The following UGP2 variants were observed in gnomAD, a reference collection of about 807,000 sequenced individuals.
UGP2 encodes the protein UTP--glucose-1-phosphate uridylyltransferase.
Under a neutral mutation model 49.0 loss-of-function variants are expected in UGP2, and 40 were observed. The ratio of observed to expected loss-of-function variants is 0.82; its 90% CI spans 0.63 to 1.06. The LOEUF is 1.06. Ranked by LOEUF, UGP2 falls within the 50% of genes least tolerant of loss-of-function variation. UGP2 has a pLI of 0.00. For synonymous variants in UGP2, 225 were observed against 213.0 expected, an observed-to-expected ratio of 1.06 and a Z score of -0.49; for missense variants, 460 against 603.5, an observed-to-expected ratio of 0.76 and a Z score of 2.49.
chr2:63,885,815 A>C lies in UGP2; in HGVS notation c.802A>C (p.Met268Leu), dbSNP rs773864022. 2 of 1,610,594 alleles carry C rather than the reference A, an allele frequency of 1.2e-6. No homozygotes were observed. The highest frequency in any genetic ancestry group is 1.7e-5 in the Admixed American group (1 of 59,128). ...TVDLYILNHL[M>L]NPPNGKRCEF... ...GGATCTGTATATTCTTAATCATCTA[A>C]TGAACCCACCCAATGGAAAACGCTG... Residue 268 changes from methionine (M) to leucine (L), a missense_variant, in exon 6 of 10, where the codon ATG becomes CTG. By Grantham distance (15) the Met-to-Leu change is conservative. Around this residue, in one of 2 missense-constraint regions of UGP2, gnomAD observed 317 missense variants for 473.0 expected, o/e 0.67. Coordinates refer to ENST00000337130, the MANE Select transcript of UGP2 (RefSeq NM_006759.4).
At chr2:63,862,331 A>G (rs1230077227) in intron 3 of UGP2, among the ~76,000 whole-genome samples, 1 of 152,112 alleles carries the variant, frequency 6.6e-6, no homozygotes, top group Non-Finnish European at 1.5e-5. Context: ...ATATATAGAA[A>G]TACTGACACT....
intron 3 of UGP2, among the ~76,000 whole-genome samples, chr2:63,865,526 G>T (rs1320722694): frequency 7.1e-6 from 1 of 141,376 alleles, no homozygotes; most frequent in African/African-American, 2.6e-5. Flanking sequence ...CAGAATGCTT[G>T]GGTCTATTTT....
At chr2:63,878,764 C>G (rs1416315669) in intron 3 of UGP2, among the ~76,000 whole-genome samples, 2 of 152,130 alleles carry the variant, frequency 1.3e-5, no homozygotes, top group Non-Finnish European at 2.9e-5. Flanking sequence ...CAAGGTCTCA[C>G]CATATTGCCC....
chr2:63,841,321 T>A (rs2104212829), upstream of UGP2: 2 of 151,590 alleles, frequency 1.3e-5, no homozygotes, highest in South Asian at 4.2e-4. Flanking sequence ...GCTGGCCCGC[T>A]GTGTGGTCTC....
intron 3 of UGP2, among the ~76,000 whole-genome samples, chr2:63,875,896 C>A (rs895367851): frequency 1.3e-5 from 2 of 152,132 alleles, no homozygotes; most frequent in African/African-American, 2.4e-5. Context: ...GCACAAAGAT[C>A]GCACTGGTGA....
intron 3 of UGP2, among the ~76,000 whole-genome samples, chr2:63,874,510 G>A (rs1670775892): frequency 6.6e-6 from 1 of 152,180 alleles, no homozygotes; most frequent in African/African-American, 2.4e-5. Context: ...TTTTCAAGGA[G>A]CAGGCAGAAA....
chr2:63,846,419 C>T (rs1671934417), intron 1 of UGP2, among the ~76,000 whole-genome samples: 1 of 143,552 alleles, frequency 7.0e-6, no homozygotes, highest in Admixed American at 7.2e-5. Flanking sequence ...GATGCTAATG[C>T]TCTAATATTA....
intron 1 of UGP2, chr2:63,855,927 G>A (rs953005495): frequency 4.7e-6 from 1 of 215,018 alleles, no homozygotes; most frequent in African/African-American, 2.4e-5. Context: ...TGTCACAGAA[G>A]TGCCCGGCTA....
At chr2:63,884,730 A>G (rs2104357472) in intron 5 of UGP2, among the ~76,000 whole-genome samples, 1 of 152,042 alleles carries the variant, frequency 6.6e-6, no homozygotes, top group Non-Finnish European at 1.5e-5. Flanking sequence ...TGGGCAACAT[A>G]ATGAGACGTC....
At chr2:63,887,842 G>C in intron 8 of UGP2, 198 bp downstream of exon 8, 4 of 716,474 alleles carry the variant, frequency 5.6e-6, no homozygotes, top group Non-Finnish European at 8.6e-6. Flanking sequence ...TTGCCATATG[G>C]AGAGTAGAAA....
intron 5 of UGP2, 36 bp downstream of exon 5, chr2:63,884,129 CT>C: frequency 1.9e-6 from 3 of 1,606,948 alleles, no homozygotes; most frequent in Non-Finnish European, 2.5e-6. Flanking sequence ...GGGTATGTTA[CT>C]CCTGGGAAAG....
rs372340978 is a variant in UGP2, at chr2:63,882,564, A to G, written c.354A>G (p.Gly118=). Residue 118 remains glycine, a synonymous_variant, in exon 4 of 10, where the codon GGA becomes GGG. Coordinates refer to ENST00000337130, the MANE Select transcript of UGP2 (RefSeq NM_006759.4). ...LVVVKLNGGL[G]TSMGCKGPKS... is the part of the protein sequence containing the mutation. ...TGGTGAAACTCAATGGTGGTTTGGGAACCAGCATGGGCTGCAAAGGCCCTA... is the reference window on the plus strand; with the variant it reads ...TGGTGAAACTCAATGGTGGTTTGGGGACCAGCATGGGCTGCAAAGGCCCTA... 84 of 1,613,044 alleles carry G rather than the reference A, an allele frequency of 5.2e-5. No homozygotes were observed. Among genetic ancestry groups the G allele is most frequent in the Non-Finnish European group, 6.4e-5 (76 of 1,179,316 alleles).
intron 4 of UGP2, 181 bp downstream of exon 4, chr2:63,882,832 T>A: frequency 2.0e-6 from 1 of 504,216 alleles, no homozygotes; most frequent in Non-Finnish European, 3.1e-6. Context: ...TAAGGTTATG[T>A]AAAGGCTTTT....
intron 9 of UGP2, 54 bp from the exon 10 acceptor site, chr2:63,891,066 A>AATC (rs1672115659): frequency 6.7e-7 from 1 of 1,492,338 alleles, no homozygotes; most frequent in African/African-American, 1.4e-5. Context: ...ACTGTAAGAT[A>AATC]ATCAAATTGC....
At chr2:63,841,308 C>T (rs926068383), upstream of UGP2, 2 of 152,102 alleles carry the variant, frequency 1.3e-5, no homozygotes, top group African/African-American at 2.4e-5. Flanking sequence ...GTTTCCCGCT[C>T]TCGCTGGCCC....
At chr2:63,848,067 T>G (rs1477515080) in intron 1 of UGP2, among the ~76,000 whole-genome samples, 3 of 152,192 alleles carry the variant, frequency 2.0e-5, no homozygotes, top group African/African-American at 7.2e-5. Context: ...GCATTTATAC[T>G]GTTGGAGAAA....
chr2:63,863,028 AAAAC>A (rs1669954360), intron 3 of UGP2: 1 of 332,666 alleles, frequency 3.0e-6, no homozygotes, highest in African/African-American at 2.2e-5. Flanking sequence ...GTGTTCTTTT[AAAAC>A]TATCTTCTTA....
rs1266588216 is a variant in UGP2, at chr2:63,841,903, T to G, written c.-283T>G. Reference sequence around the variant, plus strand: ...TGTGGTTTTACCTTTTCCGGGAGTCTCCAGCTGGCCCTCATTTGTGTCCGG... The same window carrying G: ...TGTGGTTTTACCTTTTCCGGGAGTCGCCAGCTGGCCCTCATTTGTGTCCGG... On this transcript the variant is annotated 5_prime_UTR_variant, in exon 1 of 10. Coordinates refer to ENST00000337130, the MANE Select transcript of UGP2 (RefSeq NM_006759.4). 8 of 388,130 alleles carry G rather than the reference T, an allele frequency of 2.1e-5. No homozygotes were observed. The highest frequency in any genetic ancestry group is 6.7e-4 in the Middle Eastern group (1 of 1,490). The allele number at this position is 388,130 out of a possible 1,614,324, so 24.0% of individuals were successfully genotyped here. A position where few individuals can be genotyped will look rare whatever the true frequency, so the allele number is the denominator to read the frequency against.
At chr2:63,844,773 G>C (rs531966236) in intron 1 of UGP2, among the ~76,000 whole-genome samples, 1 of 152,226 alleles carries the variant, frequency 6.6e-6, no homozygotes, top group East Asian at 1.9e-4. Flanking sequence ...TGTTTCTCAG[G>C]CTGGTCTCAA....
Sources: gnomAD v4.1 joint callset for allele counts (sites outside exome capture counted in the v4.1 genomes callset) on GRCh38, gnomAD v4.1.1 for gene constraint, gnomAD v4.1.1 regional missense constraint, MANE v1.5 for transcripts, NCBI Gene and HGNC (gene_info 2026-07-23, HGNC 2026-07-21) for gene names.